Variants in CCSER1 observed in about 807,000 individuals in gnomAD.
The protein encoded by CCSER1 is serine-rich coiled-coil domain-containing protein 1.
CCSER1 carries 41 observed loss-of-function variants against 82.0 expected under a neutral mutation model. That is an observed-to-expected ratio of 0.50 (90% confidence interval 0.39 to 0.65). The LOEUF is 0.65. Among genes scored for constraint, CCSER1 ranks in the 30% least tolerant of loss-of-function variants. CCSER1 has a pLI of 0.00. For synonymous variants in CCSER1, 414 were observed against 383.9 expected (o/e 1.08, Z -0.92); for missense variants, 1,119 against 1,064.2 (o/e 1.05, Z -0.72).
At chr4:91,342,302 A>C (rs1404958459) in intron 10 of CCSER1, among the ~76,000 whole-genome samples, 1 of 152,202 alleles carries the variant, frequency 6.6e-6, no homozygotes, top group African/African-American at 2.4e-5. Flanking sequence ...GCCTGATCTA[A>C]AGCTAGACAT....
chr4:90,646,792 A>G (rs1377095119), intron 6 of CCSER1, among the ~76,000 whole-genome samples: 1 of 152,134 alleles, frequency 6.6e-6, no homozygotes, highest in Non-Finnish European at 1.5e-5. Context: ...CATTTGCATT[A>G]GCCCTATGAT....
At chr4:90,579,149 TA>T (rs1419551961) in intron 5 of CCSER1, among the ~76,000 whole-genome samples, 1 of 152,150 alleles carries the variant, frequency 6.6e-6, no homozygotes, top group Non-Finnish European at 1.5e-5. Flanking sequence ...CACAGAAGAA[TA>T]TTTTTTTCGC....
At chr4:90,660,127 T>C (rs1038208844) in intron 6 of CCSER1, among the ~76,000 whole-genome samples, 1 of 152,056 alleles carries the variant, frequency 6.6e-6, no homozygotes, top group Admixed American at 6.6e-5. Flanking sequence ...TATGGCAATT[T>C]CTCAAAGAAA....
At chr4:90,927,566 T>C (rs1317049515) in intron 9 of CCSER1, among the ~76,000 whole-genome samples, 1 of 152,060 alleles carries the variant, frequency 6.6e-6, no homozygotes, top group East Asian at 1.9e-4. Flanking sequence ...TACCACTGTT[T>C]ATTTTTTCAA....
At chr4:90,146,440 A>T (rs186287302) in intron 1 of CCSER1, among the ~76,000 whole-genome samples, 4 of 152,056 alleles carry the variant, frequency 2.6e-5, no homozygotes, top group Non-Finnish European at 1.5e-5. Flanking sequence ...TTTACGGTGC[A>T]TATTAATGTC....
chr4:90,224,314 G>C (rs1282483337), intron 1 of CCSER1, among the ~76,000 whole-genome samples: 1 of 152,070 alleles, frequency 6.6e-6, no homozygotes, highest in African/African-American at 2.4e-5. Context: ...TCATTGCTTT[G>C]TGGGGTGTCA....
chr4:90,903,217 G>A (rs1724927628), intron 8 of CCSER1, among the ~76,000 whole-genome samples: 1 of 152,072 alleles, frequency 6.6e-6, no homozygotes, highest in Non-Finnish European at 1.5e-5. Context: ...TGTTGTTGGA[G>A]GGACCCAGGA....
At chr4:90,368,989 A>T in intron 3 of CCSER1, among the ~76,000 whole-genome samples, 1 of 152,122 alleles carries the variant, frequency 6.6e-6, no homozygotes, top group Admixed American at 6.6e-5. Context: ...AAAATAAATT[A>T]GAAAACCTAT....
At chr4:90,751,067 A>G (rs537452932) in intron 7 of CCSER1, among the ~76,000 whole-genome samples, 2 of 152,238 alleles carry the variant, frequency 1.3e-5, no homozygotes, top group South Asian at 4.1e-4. Flanking sequence ...GGTTCAGTGA[A>G]GTTTTGCAAA....
At chr4:90,288,440 CT>C (rs1174513474) in intron 1 of CCSER1, among the ~76,000 whole-genome samples, 1 of 151,956 alleles carries the variant, frequency 6.6e-6, no homozygotes, top group East Asian at 1.9e-4. Flanking sequence ...ACATACATCA[CT>C]GTTAAAGATC....
At chr4:90,972,760 T>C (rs1167143376) in intron 9 of CCSER1, among the ~76,000 whole-genome samples, 1 of 151,686 alleles carries the variant, frequency 6.6e-6, no homozygotes, top group Non-Finnish European at 1.5e-5. Flanking sequence ...GATCTCAAAA[T>C]ATATTATTAA....
chr4:90,693,498 A>G (rs1317721805), intron 6 of CCSER1: 1 of 151,914 alleles, frequency 6.6e-6, no homozygotes, highest in East Asian at 1.9e-4. Context: ...AGACTAGTCG[A>G]GTGAGTATTT....
intron 10 of CCSER1, among the ~76,000 whole-genome samples, chr4:91,443,651 TAATAATAATAA>T (rs926178111): frequency 4.9e-4 from 74 of 149,576 alleles, no homozygotes; most frequent in Middle Eastern, 3.5e-3. Context: ...ACTTAAAGTA[TAATAATAATAA>T]AATAATAATA....
chr4:90,309,413 A>G lies in CCSER1; in HGVS notation c.1129A>G (p.Ile377Val). ...AGCAGATAGTGAAAGAGAAGAAAAT[A>G]TAGGGTTACAAAATGGTGAAACAAT... ...LPADSEREEN[I>V]GLQNGETMLG... is the part of the protein sequence containing the mutation. Residue 377 changes from isoleucine (I) to valine (V), a missense_variant, in exon 2 of 11, where the codon ATA (isoleucine) becomes GTA (valine). Ile to Val is a conservative substitution (Grantham distance 29). Coordinates refer to ENST00000509176, the MANE Select transcript of CCSER1 (RefSeq NM_001145065.2). 1 of 1,613,846 alleles carries G rather than the reference A, an allele frequency of 6.2e-7. No individual in the cohort carries two copies. The highest frequency in any genetic ancestry group is 8.5e-7 in the Non-Finnish European group (1 of 1,179,790).
At position 90,613,789 on chromosome 4, in the gene CCSER1, A is replaced by G. The variant is rs181409158; in HGVS notation, c.1725-14236A>G. 2.0e-5 allele frequency among the ~76,000 whole-genome samples: 3 copies of G among 152,266 alleles called. No homozygotes were observed. In the East Asian group the frequency reaches 5.8e-4, roughly 29 times the overall value. On this transcript the variant is annotated intron_variant, in intron 5 of 10. Transcript: ENST00000509176. ...ATTTCTTCCTGTGCAGGAAAAAACA[A>G]ACAGACATTCACATGGAAATAAAAA...
At chr4:90,575,435 C>G (rs1780627948) in intron 5 of CCSER1, among the ~76,000 whole-genome samples, 2 of 152,180 alleles carry the variant, frequency 1.3e-5, no homozygotes. Context: ...AAAATGGGGA[C>G]AGAACCCTCC....
intron 10 of CCSER1, among the ~76,000 whole-genome samples, chr4:91,106,550 C>A (rs1276749682): frequency 6.6e-6 from 1 of 152,142 alleles, no homozygotes; most frequent in Non-Finnish European, 1.5e-5. Context: ...TCTTGCCTAC[C>A]TATTCATTGC....
intron 10 of CCSER1, among the ~76,000 whole-genome samples, chr4:91,372,348 A>C (rs181400040): frequency 2.1e-4 from 32 of 152,252 alleles, no homozygotes; most frequent in Admixed American, 1.9e-3. Flanking sequence ...TGTCAACAGA[A>C]CAACCTGATT....
chr4:91,346,879 C>T (rs898430088), intron 10 of CCSER1, among the ~76,000 whole-genome samples: 3 of 151,978 alleles, frequency 2.0e-5, no homozygotes, highest in Non-Finnish European at 2.9e-5. Context: ...TTTTGGGTAC[C>T]AGTCCATTAT....
Sources: allele counts gnomAD v4.1 joint callset (sites outside exome capture counted in the v4.1 genomes callset), GRCh38; gene constraint gnomAD v4.1.1; transcripts MANE v1.5; gene names NCBI Gene and HGNC (gene_info 2026-07-23, HGNC 2026-07-21).